Variants in RECK observed in about 807,000 individuals in gnomAD.
RECK encodes the protein reversion-inducing cysteine-rich protein with Kazal motifs.
In RECK, 69 loss-of-function variants were observed where a neutral mutation model predicts 115.1. The ratio of observed to expected loss-of-function variants is 0.60; its 90% confidence interval spans 0.49 to 0.73. RECK has a LOEUF of 0.73. Among genes scored for constraint, RECK ranks in the 30% least tolerant of loss-of-function variants. RECK has a pLI of 0.00. For synonymous variants in RECK, 414 were observed against 419.7 expected (o/e 0.99, Z 0.17); for missense variants, 1,047 against 1,203.7 (o/e 0.87, Z 1.93).
chr9:36,117,153 C>T lies in RECK; in HGVS notation c.2229C>T (p.Ser743=), dbSNP rs1564137987. 1 of 1,612,438 alleles carries T rather than the reference C, an allele frequency of 6.2e-7. No individual in the cohort carries two copies. The highest frequency in any genetic ancestry group is 1.7e-5 in the Admixed American group (1 of 59,844). ...NLCTLYQRGK[S]LSYKGPCQPF... is the part of the protein sequence containing the mutation. ...GCACTTTATACCAAAGAGGAAAAAG[C>T]CTCTCTTACAAAGGTCCCTGCCAGG... Residue 743 remains serine (S), a synonymous_variant, in exon 17 of 21, where the codon AGC becomes AGT. Transcript: ENST00000377966.
At chr9:36,044,731 G>T (rs1180419278) in intron 1 of RECK, among the ~76,000 whole-genome samples, 1 of 152,216 alleles carries the variant, frequency 6.6e-6, no homozygotes, top group South Asian at 2.1e-4. Context: ...TAAGAATTAA[G>T]ATGATAGTTA....
At position 36,040,812 on chromosome 9, in the gene RECK, G is replaced by GT. The variant is rs11312022; in HGVS notation, c.100+3724dup. Reference sequence around the variant, plus strand: ...AGAAGGAATTAAGGATTACTCATAGGTTTTTTTTTTAATCATGAGCAATTT... The same window carrying GT: ...AGAAGGAATTAAGGATTACTCATAGGTTTTTTTTTTTAATCATGAGCAATTT... On this transcript the variant is annotated intron_variant, in intron 1 of 20. Transcript: ENST00000377966. Among the ~76,000 whole-genome samples the GT allele has an allele frequency of 6.8e-4, 100 of 147,796 alleles. No individual in the cohort carries two copies. In the East Asian group the frequency reaches 9.8e-3, roughly 14 times the overall value.
intron 1 of RECK, among the ~76,000 whole-genome samples, chr9:36,049,594 C>T (rs1821205723): frequency 6.6e-6 from 1 of 152,184 alleles, no homozygotes; most frequent in Non-Finnish European, 1.5e-5. Flanking sequence ...AGCCCATGGG[C>T]CACCGTTTGG....
chr9:36,046,135 A>G (rs1209042332), intron 1 of RECK, among the ~76,000 whole-genome samples: 3 of 152,206 alleles, frequency 2.0e-5, no homozygotes, highest in African/African-American at 7.2e-5. Context: ...TATGAAAATA[A>G]GCAGAGTTTT....
At chr9:36,062,065 G>T (rs1821793885) in intron 4 of RECK, among the ~76,000 whole-genome samples, 1 of 151,718 alleles carries the variant, frequency 6.6e-6, no homozygotes, top group Non-Finnish European at 1.5e-5. Flanking sequence ...CATAGAAGCA[G>T]CATAAGGCAA....
intron 1 of RECK, among the ~76,000 whole-genome samples, chr9:36,044,729 A>G (rs1021913383): frequency 1.3e-5 from 2 of 152,226 alleles, no homozygotes; most frequent in African/African-American, 4.8e-5. Flanking sequence ...ACTAAGAATT[A>G]AGATGATAGT....
At chr9:36,107,134 A>G (rs1312240407) in intron 13 of RECK, among the ~76,000 whole-genome samples, 2 of 150,560 alleles carry the variant, frequency 1.3e-5, no homozygotes, top group African/African-American at 4.9e-5. Flanking sequence ...AAAGGAATTC[A>G]ATTCAGAATC....
intron 20 of RECK, among the ~76,000 whole-genome samples, chr9:36,122,513 A>G (rs1824500479): frequency 6.6e-6 from 1 of 151,944 alleles, no homozygotes; most frequent in African/African-American, 2.4e-5. Flanking sequence ...TACATTGCCC[A>G]GGCTGGTCTC....
intron 18 of RECK, 61 bp from the exon 19 acceptor site, chr9:36,120,602 G>A: frequency 7.4e-7 from 1 of 1,348,170 alleles, no homozygotes; most frequent in Non-Finnish European, 1.1e-6. Flanking sequence ...ATTTCACTAA[G>A]GATTTTAAAT....
intron 6 of RECK, among the ~76,000 whole-genome samples, chr9:36,069,277 C>CTTCGGG (rs1326401697): frequency 6.6e-6 from 1 of 152,008 alleles, no homozygotes; most frequent in African/African-American, 2.4e-5. Flanking sequence ...CGGTGGCTCA[C>CTTCGGG]ACCTGTAATC....
At position 36,058,889 on chromosome 9, in the gene RECK, C is replaced by T; in HGVS notation, c.222C>T (p.Cys74=). Residue 74 remains cysteine, a synonymous_variant, in exon 3 of 21, where the codon TGC becomes TGT. Coordinates refer to ENST00000377966, the MANE Select transcript of RECK (RefSeq NM_021111.3). The part of the protein sequence containing the change: ...KHLLQRAPDY[C]PETMVEIWNC... ...TGTTGCAGCGAGCCCCAGATTATTG[C>T]CCAGAGACAATGGTAAGTCTTATTG... 1 of 1,572,056 alleles carries T rather than the reference C, an allele frequency of 6.4e-7. No individual in the cohort carries two copies. The highest frequency in any genetic ancestry group is 1.4e-5 in the African/African-American group (1 of 73,448).
At chr9:36,111,472 C>A (rs1313596344) in intron 15 of RECK, among the ~76,000 whole-genome samples, 1 of 152,180 alleles carries the variant, frequency 6.6e-6, no homozygotes, top group African/African-American at 2.4e-5. Context: ...CGGCTCACCA[C>A]AAACTCCGCC....
At chr9:36,061,988 C>T (rs982634917) in intron 4 of RECK, among the ~76,000 whole-genome samples, 1 of 152,048 alleles carries the variant, frequency 6.6e-6, no homozygotes, top group Non-Finnish European at 1.5e-5. Flanking sequence ...GAATCCCTGA[C>T]ATTTTTTTTC....
At position 36,088,359 on chromosome 9, in the gene RECK, C is replaced by G. The variant is rs545038842; in HGVS notation, c.905+398C>G. On this transcript the variant is annotated intron_variant, in intron 9 of 20. Transcript: ENST00000377966. The stretch of plus-strand genomic sequence containing the variant: ...AACTTTTTATTATATTGGTGGATAA[C>G]CTGGGTTAGCACTTATAACCAGAGT... Among the ~76,000 whole-genome samples, 4 of 152,150 alleles carry G rather than the reference C, an allele frequency of 2.6e-5. No homozygotes were observed. In the South Asian group the frequency reaches 8.3e-4, roughly 32 times the overall value.
At chr9:36,078,735 G>A (rs1007610598) in intron 6 of RECK, among the ~76,000 whole-genome samples, 5 of 152,014 alleles carry the variant, frequency 3.3e-5, no homozygotes, top group African/African-American at 4.8e-5. Flanking sequence ...ATTTATTCAG[G>A]TACAAGGTCA....
At chr9:36,084,942 C>T (rs1588310685) in intron 8 of RECK, among the ~76,000 whole-genome samples, 1 of 152,042 alleles carries the variant, frequency 6.6e-6, no homozygotes, top group Non-Finnish European at 1.5e-5. Context: ...GTAGTCCTAG[C>T]TACTGGAGAG....
intron 10 of RECK, among the ~76,000 whole-genome samples, chr9:36,099,806 A>C (rs905715163): frequency 6.6e-6 from 1 of 152,114 alleles, no homozygotes; most frequent in Admixed American, 6.6e-5. Flanking sequence ...AAATTAATCT[A>C]TGGTGATATA....
intron 16 of RECK, among the ~76,000 whole-genome samples, chr9:36,113,000 T>C (rs2132667876): frequency 6.6e-6 from 1 of 152,364 alleles, no homozygotes; most frequent in South Asian, 2.1e-4. Flanking sequence ...AATTTTCTTC[T>C]AGTTATATGC....
At chr9:36,037,485 G>A (rs1045899472) in intron 1 of RECK, among the ~76,000 whole-genome samples, 1 of 151,888 alleles carries the variant, frequency 6.6e-6, no homozygotes, top group Non-Finnish European at 1.5e-5. Flanking sequence ...GCCCTAGTTA[G>A]TTATTGTTAC....
Sources: allele counts gnomAD v4.1 joint callset (sites outside exome capture counted in the v4.1 genomes callset), GRCh38; gene constraint gnomAD v4.1.1; transcripts MANE v1.5; gene names NCBI Gene and HGNC (gene_info 2026-07-23, HGNC 2026-07-21).